Variants in SEMA5A observed in about 807,000 individuals in gnomAD.
SEMA5A encodes the protein semaphorin-5A.
SEMA5A carries 55 observed loss-of-function variants against 135.5 expected under a neutral mutation model. The ratio of observed to expected loss-of-function variants is 0.41; its 90% CI spans 0.33 to 0.51. The LOEUF is 0.51. SEMA5A is among the 20% of genes least tolerant of loss of function. The pLI is 0.37. For missense variants in SEMA5A, 1,290 were observed against 1,419.9 expected (o/e 0.91, Z 1.47); for synonymous variants, 580 against 546.5 (o/e 1.06, Z -0.85).
At chr5:9,463,243 T>G (rs1241369549) in intron 1 of SEMA5A, among the ~76,000 whole-genome samples, 1 of 152,126 alleles carries the variant, frequency 6.6e-6, no homozygotes, top group Non-Finnish European at 1.5e-5. Context: ...CAACGAATTC[T>G]AAATAAAAGA....
At chr5:9,051,600 T>A (rs1250352994) in intron 20 of SEMA5A, among the ~76,000 whole-genome samples, 1 of 152,202 alleles carries the variant, frequency 6.6e-6, no homozygotes, top group Non-Finnish European at 1.5e-5. Context: ...AACCAAATAT[T>A]TTCATTTTTT....
chr5:9,297,248 T>G (rs1751383955), intron 5 of SEMA5A, among the ~76,000 whole-genome samples: 1 of 152,078 alleles, frequency 6.6e-6, no homozygotes, highest in Non-Finnish European at 1.5e-5. Context: ...GTTTTTTTTC[T>G]ATCGACTCAA....
At chr5:9,081,423 T>TATAC (rs995691264) in intron 16 of SEMA5A, among the ~76,000 whole-genome samples, 100 of 152,192 alleles carry the variant, frequency 6.6e-4, no homozygotes, top group African/African-American at 2.4e-3. Context: ...TGTATGTGTA[T>TATAC]ATACATACAT....
chr5:9,361,936 A>G (rs1047031646), intron 3 of SEMA5A, among the ~76,000 whole-genome samples: 1 of 152,164 alleles, frequency 6.6e-6, no homozygotes, highest in Non-Finnish European at 1.5e-5. Flanking sequence ...CATGAACACT[A>G]GAGGGCGCTC....
chr5:9,509,419 C>T (rs367689861), intron 1 of SEMA5A, among the ~76,000 whole-genome samples: 10 of 152,076 alleles, frequency 6.6e-5, no homozygotes, highest in African/African-American at 1.4e-4. Context: ...GGATTACAGG[C>T]GCACACCACC....
chr5:9,077,777 G>T (rs962478047), intron 16 of SEMA5A, among the ~76,000 whole-genome samples: 1 of 152,216 alleles, frequency 6.6e-6, no homozygotes, highest in Non-Finnish European at 1.5e-5. Context: ...TTGAATGGCC[G>T]CATTCACTTT....
intron 4 of SEMA5A, among the ~76,000 whole-genome samples, chr5:9,329,558 A>G (rs1753025684): frequency 6.6e-6 from 1 of 152,230 alleles, no homozygotes; most frequent in Non-Finnish European, 1.5e-5. Context: ...AGTAACACAG[A>G]GTCTTGAAAG....
intron 6 of SEMA5A, among the ~76,000 whole-genome samples, chr5:9,235,689 C>G (rs887273635): frequency 6.7e-5 from 10 of 150,244 alleles, no homozygotes; most frequent in Admixed American, 7.1e-5. Context: ...TCAACAATAT[C>G]TGCTGCTAGG....
intron 1 of SEMA5A, among the ~76,000 whole-genome samples, chr5:9,538,271 G>A (rs977667969): frequency 6.6e-6 from 1 of 152,246 alleles, no homozygotes; most frequent in African/African-American, 2.4e-5. Flanking sequence ...CTAAGAGCGG[G>A]GCGGGGGGAG....
intron 1 of SEMA5A, among the ~76,000 whole-genome samples, chr5:9,494,488 G>A (rs897351423): frequency 1.3e-5 from 2 of 152,054 alleles, no homozygotes; most frequent in Admixed American, 6.6e-5. Context: ...GCTCCCCAAC[G>A]CGGCTGCTCA....
chr5:9,135,494 T>G (rs1444452962), intron 13 of SEMA5A, among the ~76,000 whole-genome samples: 1 of 152,010 alleles, frequency 6.6e-6, no homozygotes, highest in Non-Finnish European at 1.5e-5. Context: ...TTTTCCGACT[T>G]TCAAGCTGAA....
rs778921009 is a variant in SEMA5A at position 9,197,728 on chromosome 5, T to TTGTATGTGTG, written c.933-426_933-425insCACACATACA. On this transcript the variant is annotated intron_variant, in intron 9 of 22. Coordinates refer to ENST00000382496, the MANE Select transcript of SEMA5A (RefSeq NM_003966.3). ...TTTGCCCAGCAGCAGGGAAAGCTGTTTGTGTGTGTGTGTGTGTGTGTGTGT... is the reference window on the plus strand; with the variant it reads ...TTTGCCCAGCAGCAGGGAAAGCTGTTTGTATGTGTGTGTGTGTGTGTGTGTGTGTGTGTGT... 1.0e-3 allele frequency among the ~76,000 whole-genome samples: 60 copies of TTGTATGTGTG among 59,284 alleles called. 2 individuals carry two copies. Among genetic ancestry groups the TTGTATGTGTG allele is most frequent in the African/African-American group, 2.7e-3 (36 of 13,398 alleles). 38.9% of individuals were successfully genotyped at this position (59,284 alleles called of 152,430 possible). A position where few individuals can be genotyped will look rare whatever the true frequency, so the allele number is the denominator to read the frequency against.
chr5:9,495,571 C>T (rs1025628874), intron 1 of SEMA5A, among the ~76,000 whole-genome samples: 5 of 152,130 alleles, frequency 3.3e-5, no homozygotes, highest in Admixed American at 2.0e-4. Context: ...CAAGACTGAG[C>T]CCCACTGTAA....
intron 3 of SEMA5A, among the ~76,000 whole-genome samples, chr5:9,350,865 T>G (rs1169837249): frequency 2.0e-5 from 3 of 152,222 alleles, no homozygotes; most frequent in Non-Finnish European, 2.9e-5. Flanking sequence ...ACCCCATCAC[T>G]GTAATCAACC....
intron 3 of SEMA5A, among the ~76,000 whole-genome samples, chr5:9,366,916 G>C (rs1044544439): frequency 6.6e-6 from 1 of 152,158 alleles, no homozygotes; most frequent in Non-Finnish European, 1.5e-5. Context: ...ATACATCAGA[G>C]AAGCAGTTAA....
At chr5:9,322,453 C>A (rs187742517) in intron 4 of SEMA5A, among the ~76,000 whole-genome samples, 115 of 152,192 alleles carry the variant, frequency 7.6e-4, no homozygotes, top group African/African-American at 2.6e-3. Flanking sequence ...GCACCAGCAC[C>A]ATCACCATCA....
intron 10 of SEMA5A, among the ~76,000 whole-genome samples, chr5:9,196,446 C>T (rs567673213): frequency 1.3e-5 from 2 of 152,330 alleles, no homozygotes; most frequent in South Asian, 4.1e-4. Context: ...ACGCTTTTGT[C>T]TTGAAGGTCT....
chr5:9,390,060 T>G (rs985385862), intron 2 of SEMA5A, among the ~76,000 whole-genome samples: 4 of 152,206 alleles, frequency 2.6e-5, no homozygotes, highest in African/African-American at 7.2e-5. Flanking sequence ...GCACTTCCAT[T>G]AAAATGCCAT....
At chr5:9,455,946 G>A (rs753535227) in intron 1 of SEMA5A, among the ~76,000 whole-genome samples, 1 of 152,140 alleles carries the variant, frequency 6.6e-6, no homozygotes, top group African/African-American at 2.4e-5. Context: ...GTCAGCAGGG[G>A]ACACATTATG....
Sources: gnomAD v4.1 joint callset for allele counts (sites outside exome capture counted in the v4.1 genomes callset) on GRCh38, gnomAD v4.1.1 for gene constraint, MANE v1.5 for transcripts, NCBI Gene and HGNC (gene_info 2026-07-23, HGNC 2026-07-21) for gene names.